SLC39A14: variants seen among roughly 807,000 people sequenced by gnomAD.
SLC39A14 encodes solute carrier family 39 member 14.
SLC39A14 carries 19 observed loss-of-function variants against 45.5 expected under a neutral mutation model. The ratio of observed to expected loss-of-function variants is 0.42; its 90% CI spans 0.29 to 0.61. The LOEUF (loss-of-function observed/expected upper bound fraction) is 0.61, where lower values mean the gene tolerates loss of function less well. Ranked by LOEUF, SLC39A14 falls within the 20% of genes least tolerant of loss-of-function variation. The pLI, the probability that SLC39A14 is intolerant of heterozygous loss-of-function variation, is 0.22. For synonymous variants in SLC39A14, 264 were observed against 251.3 expected, an observed-to-expected ratio of 1.05 and a Z score of -0.48; for missense variants, 447 against 616.5, an observed-to-expected ratio of 0.73 and a Z score of 2.91.
chr8:22,376,494 T>G lies in SLC39A14; in HGVS notation c.-16+9086T>G, dbSNP rs142981828. ...CACTGCACTCGGCCATGTTGGAGTA[T>G]TTTTTTACTGGTGACATTTATCTAG... is the stretch of plus-strand genomic sequence containing the variant. On this transcript the variant is annotated intron_variant, in intron 1 of 8. Transcript: ENST00000381237. Among the ~76,000 whole-genome samples the G allele has an allele frequency of 7.0e-3, 1,062 of 151,958 alleles. 23 individuals are homozygous for G. The highest frequency in any genetic ancestry group is 0.025 in the African/African-American group (1,022 of 41,446).
intron 8 of SLC39A14, among the ~76,000 whole-genome samples, chr8:22,431,003 T>G (rs1231126434): frequency 2.0e-5 from 3 of 147,432 alleles, no homozygotes; most frequent in Non-Finnish European, 3.0e-5. Context: ...TTTTTTTTTT[T>G]TTTTGATGGA....
At chr8:22,382,340 A>C (rs902594698) in intron 1 of SLC39A14, among the ~76,000 whole-genome samples, 1 of 152,192 alleles carries the variant, frequency 6.6e-6, no homozygotes, top group Non-Finnish European at 1.5e-5. Flanking sequence ...AATCCTATGA[A>C]ATAGGCACTC....
chr8:22,406,775 C>T (rs1028099110), intron 2 of SLC39A14, among the ~76,000 whole-genome samples: 2 of 152,188 alleles, frequency 1.3e-5, no homozygotes, highest in African/African-American at 4.8e-5. Flanking sequence ...GAGCCAGAGA[C>T]AAGCACGCCC....
At chr8:22,415,545 C>G in intron 5 of SLC39A14, 2 of 472,504 alleles carry the variant, frequency 4.2e-6, no homozygotes, top group Non-Finnish European at 3.7e-6. Context: ...GTCCTCCCAC[C>G]TCGGCCTCCC....
chr8:22,417,190 G>C (rs944465174), intron 7 of SLC39A14, among the ~76,000 whole-genome samples: 11 of 152,360 alleles, frequency 7.2e-5, no homozygotes, highest in Admixed American at 6.5e-4. Context: ...ACTTCTCGCA[G>C]TTTTGATTTT....
At chr8:22,395,468 C>T (rs923400145) in intron 1 of SLC39A14, among the ~76,000 whole-genome samples, 1 of 152,084 alleles carries the variant, frequency 6.6e-6, no homozygotes, top group Admixed American at 6.6e-5. Flanking sequence ...TTTTGAACAC[C>T]AAGCATATAG....
chr8:22,420,516 C>G lies in SLC39A14; in HGVS notation c.*818C>G. 3.0e-6 allele frequency: 3 copies of G among 985,446 alleles called. No homozygotes were observed. Among genetic ancestry groups the G allele is most frequent in the Non-Finnish European group, 3.6e-6 (3 of 829,962 alleles). The allele number at this position is 985,446 out of a possible 1,614,324, so 61.0% of individuals were successfully genotyped here. A position where few individuals can be genotyped will look rare whatever the true frequency, so the allele number is the denominator to read the frequency against. On this transcript the variant is annotated 3_prime_UTR_variant, in exon 9 of 9. Coordinates refer to ENST00000381237, the MANE Select transcript of SLC39A14 (RefSeq NM_001128431.4). ...TTGGTTTGGCTGTGATTTTGACCTC[C>G]TCTTCCCCACTGCCATCTTCTAAGA...
intron 1 of SLC39A14, among the ~76,000 whole-genome samples, chr8:22,403,779 G>A (rs561435106): frequency 3.3e-5 from 5 of 151,990 alleles, no homozygotes; most frequent in African/African-American, 9.6e-5. Flanking sequence ...TTAGCCAGGC[G>A]TGATGGCAAA....
chr8:22,396,708 C>CG (rs1415499035), intron 1 of SLC39A14, among the ~76,000 whole-genome samples: 4 of 140,506 alleles, frequency 2.8e-5, no homozygotes, highest in Non-Finnish European at 6.6e-5. Context: ...CCAGGTGCAC[C>CG]GTTTTTTTTT....
chr8:22,399,532 G>A (rs538058399), intron 1 of SLC39A14, among the ~76,000 whole-genome samples: 9 of 152,354 alleles, frequency 5.9e-5, no homozygotes, highest in Admixed American at 5.2e-4. Flanking sequence ...ACACCCCATG[G>A]AGACAGGTCT....
At position 22,418,596 on chromosome 8, in the gene SLC39A14, A is replaced by G. The variant is rs559162514; in HGVS notation, c.1332+761A>G. ...CACCTAGCCTGGAGTGCAGTGTGTG[A>G]TCATAGGTCACTGCAACCTTGAACT... On this transcript the variant is annotated intron_variant, in intron 8 of 8. Transcript: ENST00000381237. Among the ~76,000 whole-genome samples the G allele has an allele frequency of 4.6e-5, 7 of 151,376 alleles. No individual in the cohort carries two copies. In the South Asian group the frequency reaches 1.5e-3, roughly 32 times the overall value.
intron 8 of SLC39A14, among the ~76,000 whole-genome samples, chr8:22,428,298 A>AAAAAT (rs975554614): frequency 6.6e-6 from 1 of 152,156 alleles, no homozygotes; most frequent in South Asian, 2.1e-4. Flanking sequence ...ACTCTGTCTC[A>AAAAAT]AAAATAAAAT....
chr8:22,411,746 CAG>C, intron 3 of SLC39A14: 2 of 349,968 alleles, frequency 5.7e-6, no homozygotes, highest in East Asian at 6.0e-5. Context: ...CCAGTGGCCA[CAG>C]GGGCAGAAGT....
intron 1 of SLC39A14, among the ~76,000 whole-genome samples, chr8:22,400,305 G>C (rs1325529726): frequency 1.3e-5 from 2 of 152,240 alleles, no homozygotes; most frequent in African/African-American, 2.4e-5. Context: ...GTTACGTGGA[G>C]TAAGTTTCCC....
intron 1 of SLC39A14, among the ~76,000 whole-genome samples, chr8:22,386,709 G>T (rs548568306): frequency 1.3e-5 from 2 of 152,336 alleles, no homozygotes; most frequent in African/African-American, 4.8e-5. Flanking sequence ...GTAAGAGATT[G>T]TATTTTATTT....
chr8:22,388,668 G>A (rs1833911679), intron 1 of SLC39A14, among the ~76,000 whole-genome samples: 2 of 152,126 alleles, frequency 1.3e-5, no homozygotes, highest in South Asian at 4.1e-4. Flanking sequence ...GAATCGTAGG[G>A]GGATGCTCTG....
At chr8:22,376,656 A>G (rs1833234261) in intron 1 of SLC39A14, among the ~76,000 whole-genome samples, 1 of 152,072 alleles carries the variant, frequency 6.6e-6, no homozygotes, top group South Asian at 2.1e-4. Context: ...GAGGCAGGCA[A>G]AGGCCGACGT....
At chr8:22,389,129 G>C (rs948322785) in intron 1 of SLC39A14, among the ~76,000 whole-genome samples, 1 of 152,172 alleles carries the variant, frequency 6.6e-6, no homozygotes, top group Non-Finnish European at 1.5e-5. Flanking sequence ...CTCTGCCTGT[G>C]AGACCGGTAG....
intron 1 of SLC39A14, among the ~76,000 whole-genome samples, chr8:22,387,657 G>A (rs565616779): frequency 8.5e-5 from 13 of 152,276 alleles, no homozygotes; most frequent in African/African-American, 2.6e-4. Flanking sequence ...GTGTTGGATC[G>A]TCTGGCCCTG....
Sources: allele counts gnomAD v4.1 joint callset (sites outside exome capture counted in the v4.1 genomes callset), GRCh38; gene constraint gnomAD v4.1.1; transcripts MANE v1.5; gene names NCBI Gene and HGNC (gene_info 2026-07-23, HGNC 2026-07-21).